The following CELF2 variants were observed in gnomAD, a reference collection of about 807,000 sequenced individuals.
CELF2 encodes CUG triplet repeat RNA-binding protein 2.
Under a neutral mutation model 62.6 loss-of-function variants are expected in CELF2, and 8 were observed. The observed-to-expected ratio is 0.13, with a 90% CI of 0.07 to 0.23. The LOEUF (loss-of-function observed/expected upper bound fraction) is 0.23. CELF2 is among the 10% of genes least tolerant of loss of function. The pLI is 1.00. For missense variants in CELF2, 333 were observed against 671.0 expected (o/e 0.50, Z 5.56); for synonymous variants, 258 against 250.0 (o/e 1.03, Z -0.30).
At chr10:10,647,597 G>A in the CELF2 span, among the ~76,000 whole-genome samples, 6 of 152,162 alleles carry the variant, frequency 3.9e-5, no homozygotes, top group African/African-American at 1.2e-4. Context: ...CATTTTACAT[G>A]GTGCCTCCGT....
At chr10:11,044,830 A>T (rs748785167) in intron 1 of CELF2, among the ~76,000 whole-genome samples, 2 of 152,330 alleles carry the variant, frequency 1.3e-5, no homozygotes, top group South Asian at 4.1e-4. Flanking sequence ...TGAGAATCTT[A>T]TCTAAAACAT....
the CELF2 span, among the ~76,000 whole-genome samples, chr10:10,586,340 A>T: frequency 0.38 from 57,600 of 151,942 alleles, 12,319 homozygotes; most frequent in East Asian, 0.6. Context: ...CCTCTAGGAG[A>T]CTGCTCCAAT....
At position 11,075,912 on chromosome 10, in the gene CELF2, G is replaced by C. The variant is rs773254545; in HGVS notation, c.74+57749G>C. ...TGCCAACATCAGTATCTCAGAATGA[G>C]TGAAACAAAAAGCTTTCCTTTTTCT... On this transcript the variant is annotated intron_variant, in intron 1 of 12. Coordinates refer to ENST00000633077, the MANE Select transcript of CELF2 (RefSeq NM_001326342.2). The surrounding 1 kb of genome is among the most constrained non-coding windows in gnomAD (Gnocchi z 5.4). 2.6e-5 allele frequency among the ~76,000 whole-genome samples: 4 copies of C among 152,082 alleles called. No homozygotes were observed. The highest frequency in any genetic ancestry group is 5.9e-5 in the Non-Finnish European group (4 of 68,016).
the CELF2 span, among the ~76,000 whole-genome samples, chr10:10,517,802 G>A: frequency 6.6e-6 from 1 of 152,190 alleles, no homozygotes; most frequent in Non-Finnish European, 1.5e-5. Flanking sequence ...ATCCCACTAT[G>A]GCAATTATGT....
At chr10:10,697,587 G>T in the CELF2 span, among the ~76,000 whole-genome samples, 1 of 152,162 alleles carries the variant, frequency 6.6e-6, no homozygotes, top group East Asian at 1.9e-4. Flanking sequence ...AGACACTGAC[G>T]GATGTAGCAT....
chr10:10,560,100 C>G, the CELF2 span, among the ~76,000 whole-genome samples: 1 of 152,092 alleles, frequency 6.6e-6, no homozygotes, highest in Non-Finnish European at 1.5e-5. Flanking sequence ...TCTATTATGG[C>G]TCTGGACAGG....
chr10:10,791,865 G>A, the CELF2 span, among the ~76,000 whole-genome samples: 15 of 152,024 alleles, frequency 9.9e-5, no homozygotes, highest in African/African-American at 3.6e-4. Context: ...AACGGGGTTT[G>A]TATTGTTTTT....
chr10:10,720,248 AT>A, the CELF2 span, among the ~76,000 whole-genome samples: 1 of 152,350 alleles, frequency 6.6e-6, no homozygotes, highest in East Asian at 1.9e-4. Context: ...AGTTTTTAAA[AT>A]ATGATAACAT....
intron 1 of CELF2, among the ~76,000 whole-genome samples, chr10:11,115,925 A>T (rs1056949889): frequency 3.3e-5 from 5 of 152,170 alleles, no homozygotes; most frequent in Non-Finnish European, 7.3e-5. Flanking sequence ...TTCCTTTGTA[A>T]TATATCTGAC....
chr10:11,283,828 A>T (rs980026495), intron 8 of CELF2, among the ~76,000 whole-genome samples: 4 of 145,716 alleles, frequency 2.7e-5, no homozygotes, highest in Admixed American at 2.0e-4. Flanking sequence ...TGGTGGGTGG[A>T]TGATGGATGG....
chr10:10,990,610 C>T lies in CELF2; in HGVS notation c.89+70611C>T, dbSNP rs541833601. Among the ~76,000 whole-genome samples the T allele has an allele frequency of 1.3e-5, 2 of 152,054 alleles. No individual in the cohort carries two copies. The highest frequency in any genetic ancestry group is 2.9e-5 in the Non-Finnish European group (2 of 68,006). ...TTTAGTAGTATAATAGTATAATATA[C>T]GCTCAGTGGCAATTCAGTGTATTTC... On this transcript the variant is annotated intron_variant, in intron 2 of 13. Coordinates refer to the CELF2 transcript ENST00000636488. This position sits in a 1 kb window ranked among gnomAD's most constrained non-coding sequence, Gnocchi z 4.6.
At chr10:10,970,660 T>G (rs781605717) in intron 2 of CELF2, 8 of 152,340 alleles carry the variant, frequency 5.3e-5, no homozygotes, top group African/African-American at 1.9e-4. Context: ...TAATCACTGA[T>G]AACAATTCTC....
the CELF2 span, among the ~76,000 whole-genome samples, chr10:10,630,058 A>T: frequency 2.0e-5 from 3 of 152,130 alleles, no homozygotes; most frequent in African/African-American, 7.2e-5. Flanking sequence ...CTTGCCAAGC[A>T]AGACACTCCA....
rs1284762695 is a variant in CELF2 at position 11,196,965 on chromosome 10, AAAAG to A, written c.272-20450_272-20447del. The stretch of plus-strand genomic sequence containing the variant: ...CAGAGCGAGACTCTGTCTCAAAAGA[AAAAG>A]AAAGAAAGAGAGAAAGAAAGAAAGG... On this transcript the variant is annotated intron_variant, in intron 2 of 12. Coordinates refer to ENST00000633077, the MANE Select transcript of CELF2 (RefSeq NM_001326342.2). Among the ~76,000 whole-genome samples, 22 of 134,770 alleles carry A rather than the reference AAAAG, an allele frequency of 1.6e-4. No individual in the cohort carries two copies. In the East Asian group the frequency reaches 2.4e-3, roughly 15 times the overall value. The allele number at this position is 134,770 out of a possible 152,430, so 88.4% of individuals were successfully genotyped here. A position where few individuals can be genotyped will look rare whatever the true frequency, so the allele number is the denominator to read the frequency against.
At chr10:10,783,170 C>G in the CELF2 span, among the ~76,000 whole-genome samples, 1 of 152,060 alleles carries the variant, frequency 6.6e-6, no homozygotes, top group African/African-American at 2.4e-5. Flanking sequence ...AAATGAGTCC[C>G]CCAAGATGAT....
At chr10:10,804,669 G>T (rs987411337) in intron 1 of CELF2, among the ~76,000 whole-genome samples, 2 of 152,138 alleles carry the variant, frequency 1.3e-5, no homozygotes, top group Non-Finnish European at 2.9e-5. Flanking sequence ...ACACTTTTGC[G>T]TGTTCCCTTA....
chr10:11,156,693 C>T lies in CELF2; in HGVS notation c.75-8793C>T, dbSNP rs894025800. Among the ~76,000 whole-genome samples the T allele has an allele frequency of 6.6e-6, 1 of 152,212 alleles. No homozygotes were observed. Among genetic ancestry groups the T allele is most frequent in the African/African-American group, 2.4e-5 (1 of 41,456 alleles). On this transcript the variant is annotated intron_variant, in intron 1 of 12. Coordinates refer to ENST00000633077, the MANE Select transcript of CELF2 (RefSeq NM_001326342.2). This position sits in a 1 kb window ranked among gnomAD's most constrained non-coding sequence, Gnocchi z 4.3. Reference sequence around the variant, plus strand: ...AGACATCCCTGTCTTCAGGATGTCACACTTCCACCATGCACTTGATGGGGC... The same window carrying T: ...AGACATCCCTGTCTTCAGGATGTCATACTTCCACCATGCACTTGATGGGGC...
intron 1 of CELF2, among the ~76,000 whole-genome samples, chr10:10,851,772 A>G (rs535732029): frequency 6.4e-4 from 98 of 152,300 alleles, no homozygotes; most frequent in African/African-American, 2.3e-3. Flanking sequence ...AAACAGCCCA[A>G]TTTTTTAAGT....
At chr10:10,833,513 G>T (rs754786307) in intron 1 of CELF2, among the ~76,000 whole-genome samples, 3 of 152,320 alleles carry the variant, frequency 2.0e-5, no homozygotes, top group Non-Finnish European at 1.5e-5. Context: ...TTAGGGGCAG[G>T]CAGCATTATC....
Sources: allele counts gnomAD v4.1 joint callset (sites outside exome capture counted in the v4.1 genomes callset), GRCh38; gene constraint gnomAD v4.1.1; non-coding constraint Gnocchi (gnomAD v3.1); transcripts MANE v1.5; gene names NCBI Gene and HGNC (gene_info 2026-07-23, HGNC 2026-07-21).